The following CPQ variants were observed in gnomAD, a reference collection of about 807,000 sequenced individuals.
The protein encoded by CPQ is carboxypeptidase Q, also known as Ser-Met dipeptidase.
Under a neutral mutation model 45.7 loss-of-function variants are expected in CPQ, and 37 were observed. The ratio of observed to expected loss-of-function variants is 0.81; its 90% CI spans 0.62 to 1.07. The LOEUF (loss-of-function observed/expected upper bound fraction) is 1.07. CPQ is among the 50% of genes least tolerant of loss of function. The pLI is 0.00. For missense variants in CPQ, 537 were observed against 572.9 expected (o/e 0.94, Z 0.64); for synonymous variants, 186 against 205.8 (o/e 0.90, Z 0.82).
chr8:96,809,761 G>T (rs1489210671), intron 2 of CPQ, among the ~76,000 whole-genome samples: 3 of 151,962 alleles, frequency 2.0e-5, no homozygotes, highest in Non-Finnish European at 4.4e-5. Context: ...TCAAAAAAAT[G>T]GAACTGGGTA....
At chr8:97,074,939 GAA>G (rs1159535366) in intron 7 of CPQ, among the ~76,000 whole-genome samples, 1 of 152,118 alleles carries the variant, frequency 6.6e-6, no homozygotes, top group African/African-American at 2.4e-5. Context: ...TAGGCCAGAT[GAA>G]AAAGAGTCAT....
At chr8:96,822,600 A>C (rs1811323783) in intron 2 of CPQ, among the ~76,000 whole-genome samples, 1 of 151,846 alleles carries the variant, frequency 6.6e-6, no homozygotes, top group Non-Finnish European at 1.5e-5. Flanking sequence ...CTAACTCTTC[A>C]CCATGGCCCA....
At chr8:97,084,812 C>CTGTGTGTGTGTGTG (rs140213784) in intron 7 of CPQ, among the ~76,000 whole-genome samples, 115 of 150,542 alleles carry the variant, frequency 7.6e-4, no homozygotes, top group African/African-American at 2.4e-3. Flanking sequence ...TGTGTATACT[C>CTGTGTGTGTGTGTG]TGTGTGTGTG....
intron 1 of CPQ, among the ~76,000 whole-genome samples, chr8:96,688,394 A>G (rs1011074062): frequency 6.6e-6 from 1 of 151,964 alleles, no homozygotes; most frequent in African/African-American, 2.4e-5. Context: ...GGCCCACCTC[A>G]TTTTTCTTTT....
At chr8:96,793,065 C>A (rs1214110999) in intron 2 of CPQ, among the ~76,000 whole-genome samples, 1 of 151,834 alleles carries the variant, frequency 6.6e-6, no homozygotes, top group Non-Finnish European at 1.5e-5. Flanking sequence ...CCACTGAGTC[C>A]CTCAATAAGA....
At position 97,084,305 on chromosome 8, in the gene CPQ, A is replaced by T. The variant is rs527258539; in HGVS notation, c.1255+18095A>T. Among the ~76,000 whole-genome samples, 5 of 152,298 alleles carry T rather than the reference A, an allele frequency of 3.3e-5. No homozygotes were observed. In the East Asian group the frequency reaches 9.6e-4, roughly 29 times the overall value. ...ATTTCAAATTTTTTCTAATATAAAT[A>T]TATAAATATCTGATTTATACAGTTT... On this transcript the variant is annotated intron_variant, in intron 7 of 7. Coordinates refer to ENST00000220763, the MANE Select transcript of CPQ (RefSeq NM_016134.4).
At chr8:96,880,971 A>G (rs1318570028) in intron 4 of CPQ, among the ~76,000 whole-genome samples, 1 of 152,190 alleles carries the variant, frequency 6.6e-6, no homozygotes, top group African/African-American at 2.4e-5. Context: ...GGAGTAATTG[A>G]AGGACAGAAT....
intron 3 of CPQ, among the ~76,000 whole-genome samples, chr8:96,850,492 A>G (rs1274050740): frequency 1.3e-5 from 2 of 152,208 alleles, no homozygotes; most frequent in Admixed American, 1.3e-4. Context: ...GCTCATTGCA[A>G]TCCTTTTGAA....
intron 1 of CPQ, among the ~76,000 whole-genome samples, chr8:96,763,435 C>T (rs1810430299): frequency 6.6e-6 from 1 of 152,112 alleles, no homozygotes; most frequent in Admixed American, 6.6e-5. Flanking sequence ...CTGTTTCGTT[C>T]CACTGAACTA....
chr8:96,722,277 A>G (rs889346900), intron 1 of CPQ, among the ~76,000 whole-genome samples: 1 of 152,114 alleles, frequency 6.6e-6, no homozygotes, highest in African/African-American at 2.4e-5. Flanking sequence ...TTATGTCTTT[A>G]CTTTTTGAGG....
rs116360775 is a variant in CPQ, at chr8:97,117,312, A to G, written c.1256-25708A>G. Among the ~76,000 whole-genome samples, 1,453 of 152,148 alleles carry G rather than the reference A, an allele frequency of 9.5e-3. 21 individuals carry two copies. Among genetic ancestry groups the G allele is most frequent in the African/African-American group, 0.028 (1,154 of 41,500 alleles). Reference sequence around the variant, plus strand: ...TGAGGGGATGCAGAGTTAGTTGTCAATTCATTCAACAAACATTTATTCAGC... The same window carrying G: ...TGAGGGGATGCAGAGTTAGTTGTCAGTTCATTCAACAAACATTTATTCAGC... On this transcript the variant is annotated intron_variant, in intron 7 of 7. Transcript: ENST00000220763.
At position 97,143,217 on chromosome 8, in the gene CPQ, G is replaced by A. The variant is rs1812197578; in HGVS notation, c.*34G>A. 1 of 1,607,904 alleles carries A rather than the reference G, an allele frequency of 6.2e-7. No homozygotes were observed. The highest frequency in any genetic ancestry group is 1.3e-5 in the African/African-American group (1 of 74,666). ...AGAAAGAAACGTTTTCATGCTTCTGGCCAGGAATCCTGGGTCTGCAACTTT... is the reference window on the plus strand; with the variant it reads ...AGAAAGAAACGTTTTCATGCTTCTGACCAGGAATCCTGGGTCTGCAACTTT... On this transcript the variant is annotated 3_prime_UTR_variant, in exon 8 of 8. Coordinates refer to ENST00000220763, the MANE Select transcript of CPQ (RefSeq NM_016134.4).
intron 5 of CPQ, among the ~76,000 whole-genome samples, chr8:96,978,427 T>C (rs992619793): frequency 6.6e-6 from 1 of 152,236 alleles, no homozygotes. Context: ...AGAGATTCCA[T>C]AGTCATTTTA....
At chr8:96,930,203 CAA>C (rs1166160182) in intron 4 of CPQ, among the ~76,000 whole-genome samples, 4 of 152,202 alleles carry the variant, frequency 2.6e-5, no homozygotes, top group Admixed American at 6.6e-5. Context: ...AGTCACAGAG[CAA>C]AGAGGGAGCC....
In CPQ at chr8:96,999,976, C is replaced by T. The variant is rs542512393; in HGVS notation, c.962-29427C>T. Among the ~76,000 whole-genome samples, 26 of 150,876 alleles carry T rather than the reference C, an allele frequency of 1.7e-4. No homozygotes were observed. The South Asian group carries it at 4.4e-3, about 25-fold the overall frequency. The stretch of plus-strand genomic sequence containing the variant: ...CTCATTGCAGTTTTGATTTGCATTT[C>T]TCTAATGATCAGTGCTGCTGAGCTT... On this transcript the variant is annotated intron_variant, in intron 5 of 7. Coordinates refer to ENST00000220763, the MANE Select transcript of CPQ (RefSeq NM_016134.4).
chr8:96,850,346 A>G (rs1811753748), intron 3 of CPQ, among the ~76,000 whole-genome samples: 1 of 152,134 alleles, frequency 6.6e-6, no homozygotes, highest in South Asian at 2.1e-4. Context: ...TTTAATCTCC[A>G]GGGAGGCAAG....
chr8:96,838,180 C>A (rs754770517), intron 3 of CPQ, among the ~76,000 whole-genome samples: 1 of 152,104 alleles, frequency 6.6e-6, no homozygotes, highest in Non-Finnish European at 1.5e-5. Context: ...ATCATAATGT[C>A]TTGGAAGTAT....
chr8:96,653,437 G>GT (rs1482511540), intron 1 of CPQ, among the ~76,000 whole-genome samples: 6 of 152,088 alleles, frequency 3.9e-5, no homozygotes, highest in Non-Finnish European at 8.8e-5. Context: ...CTATTGAGTT[G>GT]TTTGAGTTCC....
At chr8:96,867,869 A>G (rs976067563) in intron 3 of CPQ, among the ~76,000 whole-genome samples, 1 of 151,748 alleles carries the variant, frequency 6.6e-6, no homozygotes, top group Non-Finnish European at 1.5e-5. Context: ...ATTCATGTTG[A>G]TCTCCTTTCA....
Sources: allele counts gnomAD v4.1 joint callset (sites outside exome capture counted in the v4.1 genomes callset), GRCh38; gene constraint gnomAD v4.1.1; transcripts MANE v1.5; gene names NCBI Gene and HGNC (gene_info 2026-07-23, HGNC 2026-07-21).